The following CFAP77 variants were observed in gnomAD, a reference collection of about 807,000 sequenced individuals.
CFAP77 encodes cilia and flagella associated protein 77, also known as cilia- and flagella-associated protein 77.
In CFAP77, 25 loss-of-function variants were observed where a neutral mutation model predicts 31.1. The ratio of observed to expected loss-of-function variants is 0.80; its 90% CI spans 0.59 to 1.12. CFAP77 has a LOEUF of 1.12. CFAP77 is among the 50% of genes most tolerant of loss of function. The probability of loss-of-function intolerance (pLI) is 0.00; values close to 1 mark genes in which losing one functional copy is unlikely to be tolerated. For missense variants in CFAP77, 377 were observed against 397.3 expected, an observed-to-expected ratio of 0.95 and a Z score of 0.44; for synonymous variants, 151 against 159.9, an observed-to-expected ratio of 0.94 and a Z score of 0.42.
intron 1 of CFAP77, among the ~76,000 whole-genome samples, chr9:132,434,874 C>CA (rs1423184304): frequency 1.3e-5 from 2 of 152,180 alleles, no homozygotes; most frequent in Non-Finnish European, 2.9e-5. Context: ...CTGTCAGATG[C>CA]ACGCTCTGCC....
intron 3 of CFAP77, among the ~76,000 whole-genome samples, chr9:132,516,173 C>T (rs914204081): frequency 3.3e-5 from 5 of 152,104 alleles, no homozygotes; most frequent in African/African-American, 1.2e-4. Context: ...CAAAGCCAGG[C>T]ATTTGGACTT....
intron 3 of CFAP77, among the ~76,000 whole-genome samples, chr9:132,524,257 T>G (rs1852316894): frequency 6.6e-6 from 1 of 152,116 alleles, no homozygotes; most frequent in Admixed American, 6.6e-5. Context: ...GAAAAAGTTG[T>G]GGAAAGTTCT....
chr9:132,485,925 A>G (rs996368383), intron 1 of CFAP77, among the ~76,000 whole-genome samples: 10 of 142,870 alleles, frequency 7.0e-5, no homozygotes, highest in Non-Finnish European at 1.4e-4. Context: ...TGACGAGCAT[A>G]CAAGTGTCAT....
rs571104114 is a variant in CFAP77 at position 132,571,183 on chromosome 9, C to T, written c.733-1205C>T. 5.5e-4 allele frequency among the ~76,000 whole-genome samples: 83 copies of T among 152,250 alleles called. 1 individual carries two copies. The highest frequency in any genetic ancestry group is 2.0e-3 in the African/African-American group (83 of 41,534). On this transcript the variant is annotated intron_variant, in intron 5 of 5. Transcript: ENST00000393216. ...CCCTGTGGCTGTCCTAGGCATGGGT[C>T]CTGCTTTATCCTGAACCCACTGCAG... is the stretch of plus-strand genomic sequence containing the variant.
At chr9:132,507,477 C>T (rs1307153969) in intron 3 of CFAP77, among the ~76,000 whole-genome samples, 1 of 152,190 alleles carries the variant, frequency 6.6e-6, no homozygotes, top group Non-Finnish European at 1.5e-5. Flanking sequence ...TGTCTGCAGC[C>T]GCTGCTGGTC....
chr9:132,430,004 C>T (rs962824988), intron 1 of CFAP77, among the ~76,000 whole-genome samples: 5 of 151,982 alleles, frequency 3.3e-5, no homozygotes, highest in Admixed American at 2.0e-4. Context: ...GGATAGTCCA[C>T]GACTGCTGCC....
At chr9:132,459,782 GTGTGTGTATGTGAGAGCGA>G (rs1381491213) in intron 1 of CFAP77, among the ~76,000 whole-genome samples, 5 of 150,932 alleles carry the variant, frequency 3.3e-5, no homozygotes, top group African/African-American at 1.2e-4. Flanking sequence ...GTGTGAGAGC[GTGTGTGTATGTGAGAGCGA>G]TGTGTGTATG....
chr9:132,507,547 A>G (rs1030587595), intron 3 of CFAP77, among the ~76,000 whole-genome samples: 2 of 152,198 alleles, frequency 1.3e-5, no homozygotes, highest in African/African-American at 4.8e-5. Context: ...AGGAAATTTT[A>G]CAGGCTGTTA....
intron 1 of CFAP77, among the ~76,000 whole-genome samples, chr9:132,453,194 CT>C (rs1850856326): frequency 6.6e-6 from 1 of 152,114 alleles, no homozygotes; most frequent in African/African-American, 2.4e-5. Context: ...ACAGTGATTC[CT>C]AAAATCCTTC....
chr9:132,492,957 G>A (rs1405709342), intron 1 of CFAP77, among the ~76,000 whole-genome samples: 3 of 152,174 alleles, frequency 2.0e-5, no homozygotes, highest in Non-Finnish European at 2.9e-5. Context: ...GAAGGTTGCC[G>A]AGGACTCCCA....
intron 5 of CFAP77, among the ~76,000 whole-genome samples, chr9:132,570,767 C>T (rs1166270562): frequency 6.6e-6 from 1 of 152,192 alleles, no homozygotes; most frequent in African/African-American, 2.4e-5. Context: ...CCTTCTTTCA[C>T]CTCAGCAAGT....
intron 1 of CFAP77, among the ~76,000 whole-genome samples, chr9:132,485,822 T>C (rs1341011026): frequency 6.6e-6 from 1 of 151,258 alleles, no homozygotes; most frequent in Non-Finnish European, 1.5e-5. Flanking sequence ...TCCACCAAAG[T>C]GCAGAGGTCA....
chr9:132,498,664 T>A lies in CFAP77; in HGVS notation c.196-31T>A. 1 of 1,541,106 alleles carries A rather than the reference T, an allele frequency of 6.5e-7. No homozygotes were observed. Among genetic ancestry groups the A allele is most frequent in the Non-Finnish European group, 8.9e-7 (1 of 1,121,204 alleles). ...TACATTTGGTCTGAGACTCCACTCC[T>A]CACCTCTGCTCTCTGTCCTTCCCCC... On this transcript the variant is annotated intron_variant, in intron 1 of 5. Coordinates refer to ENST00000393216, the MANE Select transcript of CFAP77 (RefSeq NM_001282957.2). This position sits in a 1 kb window ranked among gnomAD's most constrained non-coding sequence, Gnocchi z 4.2.
chr9:132,426,571 T>C (rs907935809), intron 1 of CFAP77, among the ~76,000 whole-genome samples: 4 of 144,314 alleles, frequency 2.8e-5, no homozygotes, highest in Non-Finnish European at 6.0e-5. Flanking sequence ...CCCTTTAAAC[T>C]GTGGGTGAGT....
In CFAP77 at chr9:132,480,443, G is replaced by A. The variant is rs1055499180; in HGVS notation, c.196-18252G>A. Among the ~76,000 whole-genome samples the A allele has an allele frequency of 1.3e-5, 2 of 152,204 alleles. No individual in the cohort carries two copies. Among genetic ancestry groups the A allele is most frequent in the African/African-American group, 4.8e-5 (2 of 41,468 alleles). Reference sequence around the variant, plus strand: ...GGGAGGAGTAAGCTTCCATAGTAGTGCCTGTGTGCCCCACCCCTTGGTGCT... The same window carrying A: ...GGGAGGAGTAAGCTTCCATAGTAGTACCTGTGTGCCCCACCCCTTGGTGCT... On this transcript the variant is annotated intron_variant, in intron 1 of 5. Coordinates refer to ENST00000393216, the MANE Select transcript of CFAP77 (RefSeq NM_001282957.2). The surrounding 1 kb of genome is among the most constrained non-coding windows in gnomAD (Gnocchi z 5.8).
chr9:132,522,449 T>C (rs939333306), intron 3 of CFAP77, among the ~76,000 whole-genome samples: 5 of 152,182 alleles, frequency 3.3e-5, no homozygotes, highest in Admixed American at 3.3e-4. Context: ...AGATCCTCCA[T>C]GTGAACCCCT....
At chr9:132,529,532 T>TAAAAAAAAAAAAAAA (rs1852399501) in intron 3 of CFAP77, among the ~76,000 whole-genome samples, 2 of 108,746 alleles carry the variant, frequency 1.8e-5, no homozygotes, top group African/African-American at 8.3e-5. Flanking sequence ...AAAAAAAAAC[T>TAAAAAAAAAAAAAAA]AAACACATAC....
chr9:132,521,759 TTGC>T (rs1430778400), intron 3 of CFAP77, among the ~76,000 whole-genome samples: 1 of 126,966 alleles, frequency 7.9e-6, no homozygotes, highest in African/African-American at 3.3e-5. Context: ...AGAAATAGAC[TTGC>T]TTTTTTTTTT....
chr9:132,438,760 C>T (rs960883744), intron 1 of CFAP77, among the ~76,000 whole-genome samples: 5 of 151,514 alleles, frequency 3.3e-5, no homozygotes, highest in African/African-American at 1.2e-4. Flanking sequence ...TTCTCAAACT[C>T]CTGAGCTCAA....
Sources: allele counts gnomAD v4.1 joint callset (sites outside exome capture counted in the v4.1 genomes callset), GRCh38; gene constraint gnomAD v4.1.1; non-coding constraint Gnocchi (gnomAD v3.1); transcripts MANE v1.5; gene names NCBI Gene and HGNC (gene_info 2026-07-23, HGNC 2026-07-21).